The following NAALADL2 variants were observed in gnomAD, a reference collection of about 807,000 sequenced individuals.
The protein encoded by NAALADL2 is N-acetylated alpha-linked acidic dipeptidase like 2, also known as inactive N-acetylated-alpha-linked acidic dipeptidase-like protein 2.
NAALADL2 carries 76 observed loss-of-function variants against 87.2 expected under a neutral mutation model. That is an observed-to-expected ratio of 0.87 (90% CI 0.72 to 1.05). The LOEUF (loss-of-function observed/expected upper bound fraction) is 1.05. Among genes scored for constraint, NAALADL2 ranks in the 50% least tolerant of loss-of-function variants. The pLI, the probability that NAALADL2 is intolerant of heterozygous loss-of-function variation, is 0.00. For missense variants in NAALADL2, 1,089 were observed against 945.8 expected (o/e 1.15, Z -1.99); for synonymous variants, 354 against 331.0 (o/e 1.07, Z -0.75).
At chr3:175,784,297 C>A (rs1156341551) in intron 13 of NAALADL2, among the ~76,000 whole-genome samples, 1 of 152,004 alleles carries the variant, frequency 6.6e-6, no homozygotes, top group East Asian at 1.9e-4. Flanking sequence ...CCTCCTTGTA[C>A]CTCTGATAGA....
At chr3:175,548,212 T>C (rs981550161) in intron 9 of NAALADL2, among the ~76,000 whole-genome samples, 6 of 152,150 alleles carry the variant, frequency 3.9e-5, no homozygotes, top group Non-Finnish European at 8.8e-5. Context: ...CATGGAATAC[T>C]ATGCAGCCAT....
At chr3:174,594,128 A>T (rs973068317) in intron 2 of NAALADL2, among the ~76,000 whole-genome samples, 1 of 152,186 alleles carries the variant, frequency 6.6e-6, no homozygotes, top group Admixed American at 6.5e-5. Context: ...TTAACCAGGA[A>T]AAACTCCTTA....
chr3:175,720,330 A>G (rs571239112), intron 11 of NAALADL2, among the ~76,000 whole-genome samples: 2 of 152,260 alleles, frequency 1.3e-5, no homozygotes, highest in Admixed American at 1.3e-4. Flanking sequence ...GAATTACTCT[A>G]GAAGTAACAT....
intron 2 of NAALADL2, among the ~76,000 whole-genome samples, chr3:174,677,693 A>G (rs1727168671): frequency 1.3e-5 from 2 of 152,048 alleles, no homozygotes; most frequent in South Asian, 4.1e-4. Flanking sequence ...GTTAATTAAT[A>G]ATGAATATTG....
intron 2 of NAALADL2, among the ~76,000 whole-genome samples, chr3:174,725,972 C>A (rs1024912435): frequency 6.6e-6 from 1 of 152,088 alleles, no homozygotes; most frequent in Non-Finnish European, 1.5e-5. Context: ...GGATTATCTA[C>A]CCTCTATTCT....
At position 175,444,455 on chromosome 3, in the gene NAALADL2, A is replaced by G. The variant is rs146817511; in HGVS notation, c.1091-2774A>G. On this transcript the variant is annotated intron_variant, in intron 5 of 13. Transcript: ENST00000454872. ...CACTTTTGGCTGAGAGCAGCCTCCT[A>G]TGGTCTGAAAATCCCCTTTGGTTTA... is the stretch of plus-strand genomic sequence containing the variant. 6.6e-5 allele frequency among the ~76,000 whole-genome samples: 10 copies of G among 152,222 alleles called. 1 individual carries two copies. Among genetic ancestry groups the G allele is most frequent in the South Asian group, 6.2e-4 (3 of 4,824 alleles).
intron 1 of NAALADL2, among the ~76,000 whole-genome samples, chr3:174,936,341 T>C (rs1737680835): frequency 6.6e-6 from 1 of 152,048 alleles, no homozygotes; most frequent in South Asian, 2.1e-4. Flanking sequence ...TTATTTCTTA[T>C]ATAATAATAA....
intron 1 of NAALADL2, among the ~76,000 whole-genome samples, chr3:174,986,370 A>T (rs1347779336): frequency 2.0e-5 from 3 of 149,774 alleles, no homozygotes. Context: ...TGTTATGTTT[A>T]GTTGCTGTAG....
At chr3:175,796,018 GCTAA>G (rs1286723862) in intron 13 of NAALADL2, among the ~76,000 whole-genome samples, 1 of 138,422 alleles carries the variant, frequency 7.2e-6, no homozygotes, top group Non-Finnish European at 1.5e-5. Context: ...CTTCCAGCAG[GCTAA>G]CTAACCCCTT....
chr3:175,434,666 G>T (rs1428484538), intron 5 of NAALADL2, among the ~76,000 whole-genome samples: 1 of 151,924 alleles, frequency 6.6e-6, no homozygotes, highest in African/African-American at 2.4e-5. Context: ...CACATTCATA[G>T]TTTATTTGCT....
intron 3 of NAALADL2, among the ~76,000 whole-genome samples, chr3:174,811,577 C>T (rs902117178): frequency 3.9e-5 from 6 of 152,182 alleles, no homozygotes; most frequent in African/African-American, 1.4e-4. Flanking sequence ...CCTGTTGTAT[C>T]TTAGGAGTAA....
chr3:175,546,172 T>C (rs577710553), intron 9 of NAALADL2, among the ~76,000 whole-genome samples: 1 of 152,296 alleles, frequency 6.6e-6, no homozygotes, highest in South Asian at 2.1e-4. Context: ...TTGATCTTTG[T>C]TGGTTTAAAG....
At chr3:175,392,201 T>C (rs1769163850) in intron 5 of NAALADL2, among the ~76,000 whole-genome samples, 1 of 152,210 alleles carries the variant, frequency 6.6e-6, no homozygotes, top group South Asian at 2.1e-4. Context: ...CACCTAATCA[T>C]TTATAACACT....
At chr3:175,375,896 A>T (rs940968237) in intron 5 of NAALADL2, among the ~76,000 whole-genome samples, 4 of 151,880 alleles carry the variant, frequency 2.6e-5, no homozygotes, top group Admixed American at 2.6e-4. Flanking sequence ...TCCTCTATTG[A>T]CATTTTAGCT....
chr3:175,798,165 AAAG>A (rs1269810482), intron 13 of NAALADL2, among the ~76,000 whole-genome samples: 1 of 152,100 alleles, frequency 6.6e-6, no homozygotes, highest in Non-Finnish European at 1.5e-5. Flanking sequence ...ATGCAAATTT[AAAG>A]AAGATATTTT....
intron 2 of NAALADL2, among the ~76,000 whole-genome samples, chr3:174,676,977 C>A (rs888243341): frequency 6.6e-6 from 1 of 151,866 alleles, no homozygotes; most frequent in African/African-American, 2.4e-5. Flanking sequence ...TGATTCATGA[C>A]ACAGTTATCA....
At chr3:174,910,527 A>C (rs1008984662) in intron 1 of NAALADL2, among the ~76,000 whole-genome samples, 1 of 152,026 alleles carries the variant, frequency 6.6e-6, no homozygotes, top group African/African-American at 2.4e-5. Flanking sequence ...TTATTTAGTG[A>C]ATGGTGAGGT....
chr3:174,756,875 T>TA (rs1408276145), intron 3 of NAALADL2, among the ~76,000 whole-genome samples: 13 of 152,192 alleles, frequency 8.5e-5, no homozygotes, highest in Admixed American at 8.5e-4. Flanking sequence ...CAACCATCCA[T>TA]ATTTGAAAAA....
chr3:175,692,844 T>G (rs2149923608), intron 11 of NAALADL2, among the ~76,000 whole-genome samples: 1 of 152,262 alleles, frequency 6.6e-6, no homozygotes, highest in Non-Finnish European at 1.5e-5. Flanking sequence ...CATGTTGAAG[T>G]CAGTTTATTT....
Sources: gnomAD v4.1 joint callset for allele counts (sites outside exome capture counted in the v4.1 genomes callset) on GRCh38, gnomAD v4.1.1 for gene constraint, MANE v1.5 for transcripts, NCBI Gene and HGNC (gene_info 2026-07-23, HGNC 2026-07-21) for gene names.